SAMMSON: variants seen among roughly 807,000 people sequenced by gnomAD.
SAMMSON encodes survival associated mitochondrial melanoma specific oncogenic non-coding RNA.
At position 70,227,123 on chromosome 3, in the gene SAMMSON, A is replaced by G. The variant is rs115042747; in HGVS notation, n.508-21984A>G. 8.5e-3 allele frequency among the ~76,000 whole-genome samples: 1,295 copies of G among 152,282 alleles called. 21 individuals are homozygous for G. The highest frequency in any genetic ancestry group is 0.029 in the African/African-American group (1,218 of 41,564). ...TCCAAGTTCCCTTAACTCCTGTGTA[A>G]GATACTTGAAATACAGGTTAAAGCA... is the stretch of plus-strand genomic sequence containing the variant. On this transcript the variant is annotated intron_variant and non_coding_transcript_variant, in intron 4 of 9. Transcript: ENST00000642114.
At chr3:70,018,024 G>T (rs1015872892) in intron 3 of SAMMSON, among the ~76,000 whole-genome samples, 2 of 152,100 alleles carry the variant, frequency 1.3e-5, no homozygotes, top group Admixed American at 1.3e-4. Flanking sequence ...ATGTTCATCA[G>T]GGATATTGGT....
At chr3:70,250,388 C>T (rs1322949638) in intron 6 of SAMMSON, among the ~76,000 whole-genome samples, 2 of 148,872 alleles carry the variant, frequency 1.3e-5, no homozygotes, top group East Asian at 2.0e-4. Context: ...TGACAATATT[C>T]GGTATTTTTC....
intron 2 of SAMMSON, among the ~76,000 whole-genome samples, chr3:70,430,413 T>C (rs140067498): frequency 2.0e-3 from 302 of 152,282 alleles, no homozygotes; most frequent in African/African-American, 7.0e-3. Context: ...TTATAATACG[T>C]TCAACGGAAA....
intron 7 of SAMMSON, among the ~76,000 whole-genome samples, chr3:70,298,973 T>C (rs981281517): frequency 2.0e-5 from 3 of 152,190 alleles, no homozygotes; most frequent in Admixed American, 6.5e-5. Flanking sequence ...AGCTGAGGCA[T>C]TGATGTGCAA....
intron 7 of SAMMSON, among the ~76,000 whole-genome samples, chr3:70,295,685 C>A (rs1001791533): frequency 1.3e-5 from 2 of 152,020 alleles, no homozygotes; most frequent in Admixed American, 1.3e-4. Context: ...GTGTGAGACC[C>A]TATCTCAAAA....
chr3:70,165,487 C>T (rs769584541), intron 4 of SAMMSON, among the ~76,000 whole-genome samples: 4 of 151,894 alleles, frequency 2.6e-5, no homozygotes, highest in Non-Finnish European at 4.4e-5. Flanking sequence ...AGATGAGCAG[C>T]GCACCCCAGA....
At chr3:70,012,239 G>A (rs1390346364) in intron 1 of SAMMSON, 1 of 152,084 alleles carries the variant, frequency 6.6e-6, no homozygotes, top group Non-Finnish European at 1.5e-5. Context: ...CCTCAAAAAT[G>A]TCTGCATCCT....
At chr3:70,017,267 C>T (rs2066990110) in intron 3 of SAMMSON, among the ~76,000 whole-genome samples, 1 of 152,074 alleles carries the variant, frequency 6.6e-6, no homozygotes. Context: ...TTTCATTGAG[C>T]AGTGGTTTGT....
chr3:70,059,656 C>G (rs1044467983), intron 3 of SAMMSON, among the ~76,000 whole-genome samples: 1 of 152,058 alleles, frequency 6.6e-6, no homozygotes, highest in Admixed American at 6.6e-5. Context: ...TTGGTGAGGA[C>G]AGTCTGATTC....
At chr3:70,094,627 C>T (rs1387665853) in intron 4 of SAMMSON, 1 of 152,186 alleles carries the variant, frequency 6.6e-6, no homozygotes, top group African/African-American at 2.4e-5. Context: ...GAATGCCTGT[C>T]TCTCTTTAAT....
chr3:70,101,447 G>A (rs1478981123), intron 4 of SAMMSON, among the ~76,000 whole-genome samples: 2 of 151,906 alleles, frequency 1.3e-5, no homozygotes, highest in African/African-American at 2.4e-5. Context: ...ATTATTATTT[G>A]ATAATTTACC....
intron 4 of SAMMSON, among the ~76,000 whole-genome samples, chr3:70,214,107 A>G (rs906637563): frequency 6.6e-6 from 1 of 152,138 alleles, no homozygotes; most frequent in African/African-American, 2.4e-5. Flanking sequence ...GAAATAAGTA[A>G]CTATGGAGTA....
chr3:70,047,301 T>C (rs1373317796), intron 3 of SAMMSON, among the ~76,000 whole-genome samples: 2 of 151,756 alleles, frequency 1.3e-5, no homozygotes, highest in Non-Finnish European at 2.9e-5. Flanking sequence ...ATAGTAGGTA[T>C]TATTATTATT....
chr3:70,008,848 A>G (rs964520346), intron 1 of SAMMSON, among the ~76,000 whole-genome samples: 6 of 152,150 alleles, frequency 3.9e-5, no homozygotes, highest in African/African-American at 1.2e-4. Flanking sequence ...TTTAGCATGA[A>G]GCGTTGTTGA....
intron 3 of SAMMSON, among the ~76,000 whole-genome samples, chr3:70,024,168 G>A (rs536516351): frequency 6.6e-6 from 1 of 152,238 alleles, no homozygotes; most frequent in Admixed American, 6.5e-5. Context: ...AAAGAACAAT[G>A]TCTCACATTT....
In SAMMSON at chr3:70,028,187, CT is replaced by C. The variant is rs1354447997; in HGVS notation, n.417+14518del. Among the ~76,000 whole-genome samples the C allele has an allele frequency of 3.3e-4, 45 of 134,838 alleles. 1 individual carries two copies. The highest frequency in any genetic ancestry group is 1.4e-3 in the African/African-American group (43 of 31,676). 88.5% of individuals were successfully genotyped at this position (134,838 alleles called of 152,430 possible). ...CCTTCCTTCCTTCCTTCCTTCCTTC[CT>C]TTCTTTCTTTCTTTCTCTCTTTCTT... On this transcript the variant is annotated intron_variant and non_coding_transcript_variant, in intron 3 of 9. Transcript: ENST00000642114.
chr3:70,217,070 AT>A (rs1203039110), intron 4 of SAMMSON, among the ~76,000 whole-genome samples: 12 of 152,090 alleles, frequency 7.9e-5, no homozygotes, highest in Non-Finnish European at 1.6e-4. Context: ...AAAATATTTT[AT>A]TTGTTTACTT....
intron 4 of SAMMSON, among the ~76,000 whole-genome samples, chr3:70,223,154 C>T (rs567016294): frequency 7.9e-5 from 12 of 152,284 alleles, no homozygotes; most frequent in South Asian, 4.1e-4. Flanking sequence ...CTACTCTTTA[C>T]GTCTATTTGT....
chr3:70,304,391 A>G (rs1390211495), intron 7 of SAMMSON, among the ~76,000 whole-genome samples: 1 of 152,188 alleles, frequency 6.6e-6, no homozygotes, highest in Admixed American at 6.5e-5. Context: ...CATCTCATAT[A>G]TTCTATTGCC....
Sources: allele counts gnomAD v4.1 joint callset (sites outside exome capture counted in the v4.1 genomes callset), GRCh38; gene constraint gnomAD v4.1.1; transcripts MANE v1.5; gene names NCBI Gene and HGNC (gene_info 2026-07-23, HGNC 2026-07-21).